FAM81A: variants seen among roughly 807,000 people sequenced by gnomAD.
The protein encoded by FAM81A is protein FAM81A.
A neutral mutation model predicts 46.7 loss-of-function variants in FAM81A; 19 were observed. That is an observed-to-expected ratio of 0.41 (90% CI 0.28 to 0.60). The LOEUF is 0.60. Ranked by LOEUF, FAM81A falls within the 20% of genes least tolerant of loss-of-function variation. FAM81A has a pLI of 0.34. For synonymous variants in FAM81A, 183 were observed against 152.9 expected, an observed-to-expected ratio of 1.20 and a Z score of -1.45; for missense variants, 377 against 453.5, an observed-to-expected ratio of 0.83 and a Z score of 1.53.
At chr15:59,406,540 A>G (rs2081095511) in intron 2 of FAM81A, among the ~76,000 whole-genome samples, 1 of 152,226 alleles carries the variant, frequency 6.6e-6, no homozygotes, top group African/African-American at 2.4e-5. Context: ...ACCCACTTTA[A>G]GTGTACAATT....
At chr15:59,473,830 C>T (rs1461645505) in intron 3 of FAM81A, among the ~76,000 whole-genome samples, 1 of 152,138 alleles carries the variant, frequency 6.6e-6, no homozygotes, top group East Asian at 1.9e-4. Flanking sequence ...CTCCAGTGGC[C>T]AGAACCACTT....
At chr15:59,450,499 A>G (rs1393216603) in intron 1 of FAM81A, among the ~76,000 whole-genome samples, 6 of 152,168 alleles carry the variant, frequency 3.9e-5, no homozygotes, top group Admixed American at 3.3e-4. Context: ...CTAAAGTGGT[A>G]GTATCAATTC....
At chr15:59,431,109 T>A (rs2081217959) in intron 2 of FAM81A, among the ~76,000 whole-genome samples, 1 of 152,224 alleles carries the variant, frequency 6.6e-6, no homozygotes, top group Non-Finnish European at 1.5e-5. Context: ...ATCTTCATTT[T>A]ACAGGTGAGG....
intron 1 of FAM81A, among the ~76,000 whole-genome samples, chr15:59,457,392 TA>T (rs1305843085): frequency 2.6e-5 from 4 of 152,244 alleles, no homozygotes; most frequent in Non-Finnish European, 5.9e-5. Context: ...TGTGACCAAG[TA>T]ACCCTTATTT....
chr15:59,502,186 T>TTTA (rs1160195406), intron 4 of FAM81A, among the ~76,000 whole-genome samples: 1 of 151,406 alleles, frequency 6.6e-6, no homozygotes, highest in African/African-American at 2.4e-5. Context: ...TTTATTTTAT[T>TTTA]TTATTATTAT....
chr15:59,515,309 G>A (rs916217161), intron 7 of FAM81A, among the ~76,000 whole-genome samples: 14 of 152,144 alleles, frequency 9.2e-5, no homozygotes, highest in Non-Finnish European at 1.8e-4. Context: ...ACCAGTACCT[G>A]GCAAGCAAAG....
At chr15:59,468,839 T>A (rs1182248119) in intron 3 of FAM81A, among the ~76,000 whole-genome samples, 2 of 152,232 alleles carry the variant, frequency 1.3e-5, no homozygotes, top group Non-Finnish European at 2.9e-5. Flanking sequence ...CTGCTTTCTC[T>A]TGTGGGCATT....
intron 2 of FAM81A, among the ~76,000 whole-genome samples, chr15:59,407,486 G>A (rs1287355403): frequency 2.0e-5 from 3 of 151,736 alleles, no homozygotes; most frequent in Non-Finnish European, 1.5e-5. Context: ...TAGTAGAGAC[G>A]GGGTTTCACC....
intron 4 of FAM81A, among the ~76,000 whole-genome samples, 171 bp downstream of exon 4, chr15:59,492,560 G>T (rs1309823186): frequency 6.6e-6 from 1 of 152,146 alleles, no homozygotes; most frequent in Non-Finnish European, 1.5e-5. Flanking sequence ...ACCTGGTTGT[G>T]AGGGTGCCAT....
At position 59,403,563 on chromosome 15, in the gene FAM81A, G is replaced by C. The variant is rs201281866; in HGVS notation, c.-78+1205G>C. ...ATGTTGCTTAAGACACCCTGACACT[G>C]TTATGGCAGCCGAAGCAGATGAGTA... On this transcript the variant is annotated intron_variant, in intron 2 of 4. Transcript: ENST00000558348. Among the ~76,000 whole-genome samples, 7 of 152,274 alleles carry C rather than the reference G, an allele frequency of 4.6e-5. No homozygotes were observed. The East Asian group carries it at 1.4e-3, about 29-fold the overall frequency.
chr15:59,405,077 C>G (rs1469533463), intron 2 of FAM81A, among the ~76,000 whole-genome samples: 2 of 152,194 alleles, frequency 1.3e-5, no homozygotes, highest in Non-Finnish European at 2.9e-5. Flanking sequence ...TTTGCTCCCT[C>G]AAAGCCCTGC....
At chr15:59,405,270 A>C (rs1328912409) in intron 2 of FAM81A, among the ~76,000 whole-genome samples, 1 of 152,198 alleles carries the variant, frequency 6.6e-6, no homozygotes, top group Non-Finnish European at 1.5e-5. Flanking sequence ...TGTGGGATGA[A>C]TGAATGAACA....
intron 3 of FAM81A, among the ~76,000 whole-genome samples, chr15:59,488,136 G>A (rs577027025): frequency 6.6e-6 from 1 of 152,214 alleles, no homozygotes; most frequent in Admixed American, 6.5e-5. Flanking sequence ...CAATCAGTGT[G>A]ATACATCATA....
upstream of FAM81A, among the ~76,000 whole-genome samples, chr15:59,436,325 A>G (rs544941691): frequency 7.3e-5 from 11 of 151,466 alleles, no homozygotes; most frequent in East Asian, 1.4e-3. Context: ...TCTGAGGAAT[A>G]TTAGGATCTA....
At chr15:59,441,761 A>G (rs1007445038) in intron 1 of FAM81A, among the ~76,000 whole-genome samples, 2 of 152,004 alleles carry the variant, frequency 1.3e-5, no homozygotes, top group African/African-American at 4.8e-5. Context: ...GTCCAGGCCC[A>G]CTCGAACCTC....
chr15:59,448,202 C>T (rs2081372600), intron 1 of FAM81A, among the ~76,000 whole-genome samples: 1 of 152,046 alleles, frequency 6.6e-6, no homozygotes, highest in African/African-American at 2.4e-5. Flanking sequence ...CATGGCGAAA[C>T]CCCGCCTCTA....
chr15:59,519,843 G>GCTAT (rs2082309448), intron 8 of FAM81A, among the ~76,000 whole-genome samples: 1 of 151,862 alleles, frequency 6.6e-6, no homozygotes, highest in Admixed American at 6.6e-5. Flanking sequence ...CCATATCTTG[G>GCTAT]CTATTGTAAA....
At chr15:59,476,270 T>C (rs1426133668) in intron 3 of FAM81A, among the ~76,000 whole-genome samples, 2 of 151,632 alleles carry the variant, frequency 1.3e-5, no homozygotes, top group Non-Finnish European at 2.9e-5. Context: ...TCATTCAGGC[T>C]GGAATGCAGT....
intron 4 of FAM81A, among the ~76,000 whole-genome samples, chr15:59,494,222 G>T (rs150732673): frequency 6.6e-6 from 1 of 152,324 alleles, no homozygotes; most frequent in East Asian, 1.9e-4. Flanking sequence ...CGGCTTAAAA[G>T]AAATCCCAGC....
Sources: allele counts gnomAD v4.1 joint callset (sites outside exome capture counted in the v4.1 genomes callset), GRCh38; gene constraint gnomAD v4.1.1; transcripts MANE v1.5; gene names NCBI Gene and HGNC (gene_info 2026-07-23, HGNC 2026-07-21).